Variants in TMEM131 observed in about 807,000 individuals in gnomAD.
TMEM131 encodes transmembrane protein 131.
A neutral mutation model predicts 211.6 loss-of-function variants in TMEM131; 66 were observed. The ratio of observed to expected loss-of-function variants is 0.31; its 90% CI spans 0.26 to 0.38. TMEM131 has a LOEUF of 0.38. Ranked by LOEUF, TMEM131 falls within the 10% of genes least tolerant of loss-of-function variation. The pLI is 1.00. For synonymous variants in TMEM131, 844 were observed against 841.3 expected (o/e 1.00, Z -0.06); for missense variants, 2,036 against 2,299.3 (o/e 0.89, Z 2.34).
chr2:97,927,299 G>A, intron 2 of TMEM131, 127 bp downstream of exon 2: 1 of 630,492 alleles, frequency 1.6e-6, no homozygotes, highest in Non-Finnish European at 2.5e-6. Flanking sequence ...AGACTCTACT[G>A]ACCTATCTTC....
Position 97,818,473 on chromosome 2 carries a change from CG to C in TMEM131, c.1183+139del, listed in dbSNP as rs869139049. On this transcript the variant is annotated intron_variant, in intron 12 of 40. Coordinates refer to ENST00000186436, the MANE Select transcript of TMEM131 (RefSeq NM_015348.2). The stretch of plus-strand genomic sequence containing the variant: ...CATGATGGTTTACAGCGGGGGGGGG[CG>C]GGGGGGGATCAACCTAAGCAGTAAT... 3.0e-3 allele frequency: 167 copies of C among 55,978 alleles called. 6 individuals carry two copies. The highest frequency in any genetic ancestry group is 8.3e-3 in the South Asian group (123 of 14,844). 3.5% of individuals were successfully genotyped at this position (55,978 alleles called of 1,614,324 possible).
At chr2:97,850,951 T>C (rs1291271685) in intron 5 of TMEM131, among the ~76,000 whole-genome samples, 1 of 151,416 alleles carries the variant, frequency 6.6e-6, no homozygotes, top group African/African-American at 2.4e-5. Context: ...GTTAGAAAAA[T>C]CACCATGGAA....
At chr2:97,931,513 T>G (rs1030516494) in intron 1 of TMEM131, among the ~76,000 whole-genome samples, 4 of 152,208 alleles carry the variant, frequency 2.6e-5, no homozygotes, top group African/African-American at 9.6e-5. Flanking sequence ...TTACAACTGA[T>G]GAATAAATAT....
At chr2:97,905,943 A>T (rs576439521) in intron 3 of TMEM131, among the ~76,000 whole-genome samples, 4 of 152,312 alleles carry the variant, frequency 2.6e-5, no homozygotes, top group South Asian at 2.1e-4. Context: ...GATATTGGAG[A>T]CACCACTTCT....
At chr2:97,800,311 C>T (rs527419215) in intron 25 of TMEM131, among the ~76,000 whole-genome samples, 7 of 152,270 alleles carry the variant, frequency 4.6e-5, no homozygotes, top group East Asian at 3.9e-4. Context: ...ACATTTCTGA[C>T]GTCTAGAGTA....
At chr2:97,864,428 T>A (rs1674190700) in intron 4 of TMEM131, among the ~76,000 whole-genome samples, 1 of 152,186 alleles carries the variant, frequency 6.6e-6, no homozygotes, top group South Asian at 2.1e-4. Flanking sequence ...GTGATGACTA[T>A]CCCATTTACC....
intron 35 of TMEM131, chr2:97,763,954 G>A (rs187285629): frequency 9.5e-4 from 144 of 152,330 alleles, no homozygotes; most frequent in African/African-American, 3.3e-3. Context: ...ATTAGAGAAC[G>A]TTTTGATTCA....
intron 3 of TMEM131, among the ~76,000 whole-genome samples, chr2:97,890,018 T>C (rs963225360): frequency 6.6e-6 from 1 of 151,942 alleles, no homozygotes; most frequent in Admixed American, 6.6e-5. Context: ...ACGACAGAGA[T>C]CTAGGGGAAG....
chr2:97,867,643 A>G (rs1253677974), intron 4 of TMEM131, among the ~76,000 whole-genome samples: 2 of 152,192 alleles, frequency 1.3e-5, no homozygotes, highest in Non-Finnish European at 2.9e-5. Flanking sequence ...GGCCTGCTGC[A>G]TCTGGGATAC....
At position 97,792,630 on chromosome 2, in the gene TMEM131, C is replaced by T. The variant is rs1447594432; in HGVS notation, c.3900G>A (p.Gln1300=). 4 of 1,613,296 alleles carry T rather than the reference C, an allele frequency of 2.5e-6. No homozygotes were observed. The highest frequency in any genetic ancestry group is 2.5e-6 in the Non-Finnish European group (3 of 1,179,602). The stretch of plus-strand genomic sequence containing the variant: ...GCGGTGGCAGAGGAGGCTGAGGGTG[C>T]TGCTCCAGCGGGCTGTGGGCATGGT... ...SQHHAHSPLE[Q]HPQPPLPPPV... Residue 1300 remains glutamine, a synonymous_variant, in exon 31 of 41, where the codon CAG becomes CAA. Coordinates refer to ENST00000186436, the MANE Select transcript of TMEM131 (RefSeq NM_015348.2).
intron 4 of TMEM131, among the ~76,000 whole-genome samples, chr2:97,861,954 C>A (rs958006046): frequency 2.0e-5 from 3 of 151,914 alleles, no homozygotes; most frequent in Admixed American, 1.3e-4. Flanking sequence ...CAGGTCTGAC[C>A]CAGTGCAGTT....
At chr2:97,975,587 C>T (rs1679495014) in intron 1 of TMEM131, among the ~76,000 whole-genome samples, 2 of 151,856 alleles carry the variant, frequency 1.3e-5, no homozygotes, top group Admixed American at 1.3e-4. Flanking sequence ...AAATAGATAA[C>T]CTGAAGAGCC....
rs147065706 is a variant in TMEM131, at chr2:97,759,118, G to A, written c.5207-65C>T. 21 of 1,592,280 alleles carry A rather than the reference G, an allele frequency of 1.3e-5. No homozygotes were observed. The African/African-American group carries it at 2.3e-4, about 17-fold the overall frequency. ...TTGCCATGATCACTATAGCATATGG[G>A]GCTTCACTCAATGGCATACCTCCAA... On this transcript the variant is annotated intron_variant, in intron 39 of 40. Coordinates refer to ENST00000186436, the MANE Select transcript of TMEM131 (RefSeq NM_015348.2).
At chr2:97,857,140 T>C (rs1185643481) in intron 5 of TMEM131, among the ~76,000 whole-genome samples, 1 of 152,220 alleles carries the variant, frequency 6.6e-6, no homozygotes, top group Admixed American at 6.5e-5. Context: ...TGGCCCATAC[T>C]GTCTTTCTAA....
chr2:97,991,282 T>C (rs1335625660), intron 1 of TMEM131, among the ~76,000 whole-genome samples: 1 of 152,108 alleles, frequency 6.6e-6, no homozygotes, highest in Non-Finnish European at 1.5e-5. Context: ...GGTGTCAAAA[T>C]GAATGATGAA....
In TMEM131 at chr2:97,806,362, C is replaced by T. The variant is rs191271529; in HGVS notation, c.2056-659G>A. 1.8e-4 allele frequency among the ~76,000 whole-genome samples: 27 copies of T among 152,206 alleles called. No homozygotes were observed. In the East Asian group the frequency reaches 2.5e-3, roughly 14 times the overall value. ...GACCAGCCAGGCCAACATGGTGAAA[C>T]CCTGTTCCTGCTAAAAATACACACG... On this transcript the variant is annotated intron_variant, in intron 19 of 40. Transcript: ENST00000186436.
intron 32 of TMEM131, among the ~76,000 whole-genome samples, chr2:97,773,216 T>C (rs1452211621): frequency 2.0e-5 from 3 of 152,230 alleles, no homozygotes; most frequent in Non-Finnish European, 2.9e-5. Context: ...GCTGGTTTAA[T>C]GCTAAGCTAA....
At chr2:97,858,179 G>A (rs1673924359) in intron 5 of TMEM131, among the ~76,000 whole-genome samples, 1 of 152,106 alleles carries the variant, frequency 6.6e-6, no homozygotes, top group African/African-American at 2.4e-5. Context: ...ATCTTACATG[G>A]CTAAAAAGGT....
intron 4 of TMEM131, among the ~76,000 whole-genome samples, chr2:97,867,098 T>C (rs1674304172): frequency 6.6e-6 from 1 of 152,354 alleles, no homozygotes; most frequent in East Asian, 1.9e-4. Context: ...GTTTGTATTA[T>C]GGATTAGCAT....
Sources: gnomAD v4.1 joint callset for allele counts (sites outside exome capture counted in the v4.1 genomes callset) on GRCh38, gnomAD v4.1.1 for gene constraint, MANE v1.5 for transcripts, NCBI Gene and HGNC (gene_info 2026-07-23, HGNC 2026-07-21) for gene names.